GPC6: variants seen among roughly 807,000 people sequenced by gnomAD.
GPC6 encodes glypican-6.
In GPC6, 14 loss-of-function variants were observed where a neutral mutation model predicts 55.2. The ratio of observed to expected loss-of-function variants is 0.25; its 90% CI spans 0.17 to 0.40. GPC6 has a LOEUF of 0.40. Among genes scored for constraint, GPC6 ranks in the 10% least tolerant of loss-of-function variants. The pLI is 1.00. For missense variants in GPC6, 641 were observed against 708.5 expected, an observed-to-expected ratio of 0.90 and a Z score of 1.08; for synonymous variants, 278 against 259.6, an observed-to-expected ratio of 1.07 and a Z score of -0.68.
chr13:93,964,729 A>G lies in GPC6; in HGVS notation c.712-63000A>G, dbSNP rs556905611. 2.0e-5 allele frequency among the ~76,000 whole-genome samples: 3 copies of G among 152,328 alleles called. No individual in the cohort carries two copies. In the South Asian group the frequency reaches 6.2e-4, roughly 32 times the overall value. ...GAGGGCAAAAGTGTGACTGAAAGCA[A>G]TACAGTGAAAATTCTGTTGTTTCTC... On this transcript the variant is annotated intron_variant, in intron 3 of 8. Coordinates refer to ENST00000377047, the MANE Select transcript of GPC6 (RefSeq NM_005708.5).
intron 4 of GPC6, among the ~76,000 whole-genome samples, chr13:94,209,616 C>T (rs1199124716): frequency 6.6e-6 from 1 of 151,842 alleles, no homozygotes; most frequent in African/African-American, 2.4e-5. Flanking sequence ...ACTTTCTTTT[C>T]CATTGTTTTC....
At chr13:94,073,270 G>C (rs533032109) in intron 4 of GPC6, among the ~76,000 whole-genome samples, 8 of 152,198 alleles carry the variant, frequency 5.3e-5, no homozygotes, top group African/African-American at 1.9e-4. Context: ...AGCATTCACA[G>C]ATGAAAGCAG....
intron 5 of GPC6, 33 bp from the exon 6 acceptor site, chr13:94,305,947 A>G: frequency 6.2e-7 from 1 of 1,608,068 alleles, no homozygotes. Flanking sequence ...AACTCATTGT[A>G]TAGCTGTTTT....
intron 4 of GPC6, among the ~76,000 whole-genome samples, chr13:94,276,578 T>C (rs746718097): frequency 6.6e-6 from 1 of 152,042 alleles, no homozygotes; most frequent in Non-Finnish European, 1.5e-5. Flanking sequence ...TGACCCATCC[T>C]CTAAGTTCCC....
chr13:93,380,846 G>A (rs556439271), intron 1 of GPC6, among the ~76,000 whole-genome samples: 21 of 152,052 alleles, frequency 1.4e-4, no homozygotes, highest in South Asian at 8.3e-4. Context: ...CAATATTGGC[G>A]CACACATTTA....
chr13:93,684,125 C>G (rs914643535), intron 2 of GPC6, among the ~76,000 whole-genome samples: 2 of 152,078 alleles, frequency 1.3e-5, no homozygotes, highest in African/African-American at 4.8e-5. Flanking sequence ...AGCATGCAAG[C>G]CATGACAGAT....
intron 4 of GPC6, among the ~76,000 whole-genome samples, chr13:94,120,393 T>A (rs559554185): frequency 1.1e-3 from 163 of 152,230 alleles, no homozygotes; most frequent in African/African-American, 3.8e-3. Context: ...CATGAGAGTA[T>A]GATCCTGGCC....
intron 1 of GPC6, among the ~76,000 whole-genome samples, chr13:93,274,973 T>A (rs754915657): frequency 1.3e-5 from 2 of 152,214 alleles, no homozygotes; most frequent in Non-Finnish European, 2.9e-5. Context: ...AAAGGATTTA[T>A]GGTTAGACAC....
intron 3 of GPC6, among the ~76,000 whole-genome samples, chr13:94,023,070 TA>T (rs1882762971): frequency 6.6e-6 from 1 of 152,002 alleles, no homozygotes; most frequent in Non-Finnish European, 1.5e-5. Flanking sequence ...CATTACCAAC[TA>T]AAAAAATAAT....
intron 3 of GPC6, among the ~76,000 whole-genome samples, chr13:93,896,620 C>T (rs1329851468): frequency 2.0e-5 from 3 of 152,072 alleles, no homozygotes; most frequent in African/African-American, 7.2e-5. Flanking sequence ...ATTACCTATA[C>T]ACAAAATTAT....
intron 5 of GPC6, among the ~76,000 whole-genome samples, chr13:94,288,961 A>AGATAGATC (rs1555316176): frequency 0.012 from 1,532 of 131,156 alleles, 62 homozygotes; most frequent in African/African-American, 0.039. Context: ...ATATATAGAT[A>AGATAGATC]GATAGATAGA....
rs144958781 is a variant in GPC6, at chr13:93,745,429, C to T, written c.320-84725C>T. Among the ~76,000 whole-genome samples, 4 of 152,236 alleles carry T rather than the reference C, an allele frequency of 2.6e-5. No homozygotes were observed. The South Asian group carries it at 6.2e-4, about 24-fold the overall frequency. ...TTCATCTGTGACCCTCTCTGATACT[C>T]CCTCCTCTCATCACCTTGTTAAGTC... On this transcript the variant is annotated intron_variant, in intron 2 of 8. Transcript: ENST00000377047.
At chr13:94,193,017 A>G (rs942680066) in intron 4 of GPC6, among the ~76,000 whole-genome samples, 5 of 151,984 alleles carry the variant, frequency 3.3e-5, no homozygotes, top group South Asian at 2.1e-4. Flanking sequence ...TAAGAGCTCT[A>G]TGGGAAAACA....
At chr13:93,898,272 G>T (rs1166264276) in intron 3 of GPC6, among the ~76,000 whole-genome samples, 1 of 152,134 alleles carries the variant, frequency 6.6e-6, no homozygotes, top group Non-Finnish European at 1.5e-5. Flanking sequence ...CCATAATGGT[G>T]CAATAAATAC....
At chr13:93,485,101 G>A (rs1456349702) in intron 1 of GPC6, among the ~76,000 whole-genome samples, 2 of 152,172 alleles carry the variant, frequency 1.3e-5, no homozygotes, top group Admixed American at 6.6e-5. Flanking sequence ...TGTTCTATCT[G>A]GAGAAGAACA....
chr13:94,268,635 AT>A (rs376130153), intron 4 of GPC6, among the ~76,000 whole-genome samples: 5 of 151,700 alleles, frequency 3.3e-5, no homozygotes, highest in African/African-American at 7.3e-5. Context: ...AGATATTCTG[AT>A]TTTTTTTTCT....
At chr13:93,702,694 C>T (rs1365589772) in intron 2 of GPC6, among the ~76,000 whole-genome samples, 3 of 152,018 alleles carry the variant, frequency 2.0e-5, no homozygotes, top group Non-Finnish European at 4.4e-5. Flanking sequence ...GGCAGCTCCT[C>T]CATGACCACT....
chr13:93,555,096 C>T (rs1368513601), intron 2 of GPC6, among the ~76,000 whole-genome samples: 3 of 152,118 alleles, frequency 2.0e-5, no homozygotes, highest in Admixed American at 1.3e-4. Context: ...GATTTCTCCA[C>T]GTATTTTGTT....
intron 4 of GPC6, among the ~76,000 whole-genome samples, chr13:94,112,129 G>GA (rs1367420944): frequency 6.6e-6 from 1 of 152,030 alleles, no homozygotes; most frequent in Non-Finnish European, 1.5e-5. Context: ...GTAACTTTTA[G>GA]AAAAAACTAA....
Sources: allele counts gnomAD v4.1 joint callset (sites outside exome capture counted in the v4.1 genomes callset), GRCh38; gene constraint gnomAD v4.1.1; transcripts MANE v1.5; gene names NCBI Gene and HGNC (gene_info 2026-07-23, HGNC 2026-07-21).